The following FNDC1 variants were observed in gnomAD, a reference collection of about 807,000 sequenced individuals.
FNDC1 encodes fibronectin type III domain-containing protein 1.
Under a neutral mutation model 168.0 loss-of-function variants are expected in FNDC1, and 96 were observed. That is an observed-to-expected ratio of 0.57 (90% CI 0.48 to 0.68). The LOEUF is 0.68. FNDC1 is among the 30% of genes least tolerant of loss of function. FNDC1 has a pLI of 0.00. For missense variants in FNDC1, 2,587 were observed against 2,482.1 expected (o/e 1.04, Z -0.90); for synonymous variants, 1,099 against 1,025.9 (o/e 1.07, Z -1.36).
intron 1 of FNDC1, among the ~76,000 whole-genome samples, chr6:159,190,088 AC>A (rs1186333250): frequency 1.3e-5 from 2 of 152,220 alleles, no homozygotes; most frequent in Admixed American, 1.3e-4. Context: ...CCAGGAAGAT[AC>A]ATGGCAGGTT....
intron 9 of FNDC1, 105 bp from the exon 10 acceptor site, chr6:159,229,710 A>T (rs1247597254): frequency 1.0e-6 from 1 of 997,714 alleles, no homozygotes; most frequent in Non-Finnish European, 1.5e-6. Flanking sequence ...TAGTGTATTA[A>T]TTTTAGTAAT....
chr6:159,188,042 T>C (rs1435216345), intron 1 of FNDC1, among the ~76,000 whole-genome samples: 1 of 152,224 alleles, frequency 6.6e-6, no homozygotes, highest in Non-Finnish European at 1.5e-5. Flanking sequence ...GTTTTCTTCA[T>C]TTCAGAGTCT....
At chr6:159,263,176 G>C (rs1255553900) in intron 19 of FNDC1, among the ~76,000 whole-genome samples, 3 of 152,176 alleles carry the variant, frequency 2.0e-5, no homozygotes, top group African/African-American at 7.2e-5. Context: ...CTGAACTTCA[G>C]TTCAGAGCAG....
intron 2 of FNDC1, among the ~76,000 whole-genome samples, chr6:159,198,721 T>C (rs1402550644): frequency 2.0e-5 from 3 of 152,168 alleles, no homozygotes; most frequent in African/African-American, 4.8e-5. Context: ...AAAAAACAAA[T>C]AGTATCTCCC....
In FNDC1 at chr6:159,188,960, C is replaced by T. The variant is rs1017903791; in HGVS notation, c.110-8471C>T. ...AGAGACAGGGTTTCACCATGTTGGC[C>T]AGGCTGGTCTTGAACTCCTGATCTC... On this transcript the variant is annotated intron_variant, in intron 1 of 22. Transcript: ENST00000297267. 2.0e-5 allele frequency among the ~76,000 whole-genome samples: 3 copies of T among 152,032 alleles called. No homozygotes were observed. In the East Asian group the frequency reaches 5.8e-4, roughly 29 times the overall value.
At chr6:159,209,712 T>C (rs1219632426) in intron 4 of FNDC1, among the ~76,000 whole-genome samples, 1 of 152,236 alleles carries the variant, frequency 6.6e-6, no homozygotes, top group African/African-American at 2.4e-5. Flanking sequence ...TAAAGGTTCT[T>C]TGGGCTTCCA....
In FNDC1 at chr6:159,233,086, C is replaced by G; in HGVS notation, c.2574C>G (p.His858Gln). The G allele has an allele frequency of 6.2e-7, 1 of 1,603,330 alleles. No individual in the cohort carries two copies. The highest frequency in any genetic ancestry group is 1.1e-5 in the South Asian group (1 of 88,702). ...SPQSTVPSRA[H>Q]PRVPSHSDSH... is the part of the protein sequence containing the mutation. ...AGTCGACTGTGCCCTCCCGAGCCCA[C>G]CCCAGGGTTCCCTCTCACTCTGATT... The change falls in exon 11 of 23, where the codon CAC becomes CAG. Residue 858 changes from histidine to glutamine, a missense_variant. Coordinates refer to ENST00000297267, the MANE Select transcript of FNDC1 (RefSeq NM_032532.3). The surrounding 1 kb of genome is among the most constrained non-coding windows in gnomAD (Gnocchi z 4.6).
At chr6:159,187,618 A>G (rs1035055349) in intron 1 of FNDC1, among the ~76,000 whole-genome samples, 1 of 152,194 alleles carries the variant, frequency 6.6e-6, no homozygotes, top group African/African-American at 2.4e-5. Context: ...TCAATCCACC[A>G]TCTGCAAATT....
At chr6:159,230,042 T>G in intron 10 of FNDC1, 39 bp downstream of exon 10, 1 of 1,550,452 alleles carries the variant, frequency 6.4e-7, no homozygotes, top group Non-Finnish European at 8.8e-7. Context: ...CTCTCTCTCT[T>G]CATTCCTGCT....
intron 1 of FNDC1, among the ~76,000 whole-genome samples, chr6:159,174,795 C>T (rs761460926): frequency 7.9e-5 from 12 of 152,166 alleles, no homozygotes; most frequent in Non-Finnish European, 1.2e-4. Context: ...TGCAGGCCTC[C>T]ACCAAAGATG....
chr6:159,235,655 C>A (rs1162536934), intron 11 of FNDC1, among the ~76,000 whole-genome samples: 1 of 152,154 alleles, frequency 6.6e-6, no homozygotes, highest in Non-Finnish European at 1.5e-5. Context: ...ACAGAAACAA[C>A]AAGTGTAAGG....
Position 159,185,255 on chromosome 6 carries a change from G to A in FNDC1, c.110-12176G>A, listed in dbSNP as rs550062372. 3.1e-3 allele frequency among the ~76,000 whole-genome samples: 479 copies of A among 152,246 alleles called. 3 individuals carry two copies. Among genetic ancestry groups the A allele is most frequent in the African/African-American group, 0.011 (447 of 41,550 alleles). ...GCAGATGTAATTACTCAAGTCAATG[G>A]CCTACTGACAAATAAGCATTGAAAT... is the stretch of plus-strand genomic sequence containing the variant. On this transcript the variant is annotated intron_variant, in intron 1 of 22. Coordinates refer to ENST00000297267, the MANE Select transcript of FNDC1 (RefSeq NM_032532.3).
At chr6:159,240,932 C>T (rs943221457) in intron 14 of FNDC1, 24 of 152,322 alleles carry the variant, frequency 1.6e-4, no homozygotes, top group Admixed American at 1.4e-3. Flanking sequence ...AGGAATCAAG[C>T]TGGAATTCTT....
Position 159,234,118 on chromosome 6 carries a change from G to A in FNDC1, c.3606G>A (p.Lys1202=), listed in dbSNP as rs1361797362. ...KEDLLSSSVP[K]WPSSSTPRGG... ...ACCTTCTGTCTTCCTCTGTGCCAAA[G>A]TGGCCCTCTTCCTCCACTCCCAGGG... Residue 1202 remains lysine (K), a synonymous_variant, in exon 11 of 23, where the codon AAG becomes AAA. Transcript: ENST00000297267. The A allele has an allele frequency of 9.3e-6, 15 of 1,606,166 alleles. No homozygotes were observed. The highest frequency in any genetic ancestry group is 1.1e-5 in the Non-Finnish European group (13 of 1,176,160).
In FNDC1 at chr6:159,233,744, A is replaced by G. The variant is rs1041702987; in HGVS notation, c.3232A>G (p.Ser1078Gly). The change falls in exon 11 of 23, where the codon AGC becomes GGC. Residue 1078 changes from serine to glycine, a missense_variant. Transcript: ENST00000297267. The surrounding 1 kb of genome is among the most constrained non-coding windows in gnomAD (Gnocchi z 4.6). ...GAACCAGGACGAGGATGCCCAGGGC[A>G]GCTACGACGACGACAGCACAGAAGT... Reference protein sequence around the residue: ...LQNQDEDAQGSYDDDSTEVEA... With the variant: ...LQNQDEDAQGGYDDDSTEVEA... 15 of 1,548,930 alleles carry G rather than the reference A, an allele frequency of 9.7e-6. No homozygotes were observed. Among genetic ancestry groups the G allele is most frequent in the African/African-American group, 1.4e-5 (1 of 73,132 alleles).
intron 9 of FNDC1, among the ~76,000 whole-genome samples, chr6:159,227,100 A>T (rs1348624480): frequency 6.6e-6 from 1 of 152,266 alleles, no homozygotes; most frequent in Admixed American, 6.5e-5. Context: ...TAGCAAAAAA[A>T]CCTAGATATT....
At chr6:159,210,960 G>A (rs1782590507) in intron 4 of FNDC1, among the ~76,000 whole-genome samples, 1 of 152,136 alleles carries the variant, frequency 6.6e-6, no homozygotes, top group Admixed American at 6.5e-5. Flanking sequence ...ATGGAGGTGG[G>A]AGGCCAGGTG....
chr6:159,223,483 C>G (rs368169462), intron 6 of FNDC1, 45 bp from the exon 7 acceptor site: 42 of 1,288,440 alleles, frequency 3.3e-5, no homozygotes, highest in African/African-American at 1.3e-4. Context: ...AGGGCAGAAC[C>G]TGTTGTGAGA....
intron 1 of FNDC1, among the ~76,000 whole-genome samples, chr6:159,188,006 CA>C (rs1229113470): frequency 1.3e-5 from 2 of 152,088 alleles, no homozygotes; most frequent in African/African-American, 4.8e-5. Context: ...CTTTTTGGTC[CA>C]AGATGTGGTT....
Sources: gnomAD v4.1 joint callset for allele counts (sites outside exome capture counted in the v4.1 genomes callset) on GRCh38, gnomAD v4.1.1 for gene constraint, Gnocchi (gnomAD v3.1) non-coding constraint, MANE v1.5 for transcripts, NCBI Gene and HGNC (gene_info 2026-07-23, HGNC 2026-07-21) for gene names.